SGK3: variants seen among roughly 807,000 people sequenced by gnomAD.
SGK3 encodes serum/glucocorticoid regulated kinase family member 3, also known as serine/threonine-protein kinase Sgk3.
Under a neutral mutation model 68.5 loss-of-function variants are expected in SGK3, and 47 were observed. That is an observed-to-expected ratio of 0.69 (90% CI 0.54 to 0.87). The LOEUF (loss-of-function observed/expected upper bound fraction) is 0.87. Ranked by LOEUF, SGK3 falls within the 40% of genes least tolerant of loss-of-function variation. The probability of loss-of-function intolerance (pLI) is 0.00; values close to 1 mark genes in which losing one functional copy is unlikely to be tolerated. For synonymous variants in SGK3, 181 were observed against 189.1 expected (o/e 0.96, Z 0.35); for missense variants, 479 against 575.5 (o/e 0.83, Z 1.72).
At chr8:66,791,587 G>A (rs549264555) in intron 1 of SGK3, among the ~76,000 whole-genome samples, 1 of 152,170 alleles carries the variant, frequency 6.6e-6, no homozygotes, top group South Asian at 2.1e-4. Flanking sequence ...CTATCTTACT[G>A]TCCCTTCCAA....
chr8:66,776,508 A>G (rs1290885670), intron 1 of SGK3, among the ~76,000 whole-genome samples: 1 of 152,254 alleles, frequency 6.6e-6, no homozygotes. Context: ...AGGGAATCTC[A>G]GAATTGAAAG....
intron 6 of SGK3, among the ~76,000 whole-genome samples, chr8:66,826,829 G>C (rs1303948206): frequency 6.6e-6 from 1 of 151,744 alleles, no homozygotes; most frequent in Non-Finnish European, 1.5e-5. Context: ...ATTTTTGGTA[G>C]AGATGGGGTT....
Position 66,793,752 on chromosome 8 carries a change from A to G in SGK3, c.16A>G (p.Thr6Ala). 6.2e-7 allele frequency: 1 copy of G among 1,613,298 alleles called. No homozygotes were observed. Among genetic ancestry groups the G allele is most frequent in the Non-Finnish European group, 8.5e-7 (1 of 1,179,468 alleles). The change falls in exon 2 of 17, where the codon ACC becomes GCC. Residue 6 changes from threonine (T) to alanine (A), a missense_variant. Physicochemically the swap from Thr to Ala is moderately conservative, Grantham distance 58. This residue lies in a region of SGK3 where 298 missense variants were observed against 329.4 expected (regional missense o/e 0.90). Transcript: ENST00000521198. ...GAGGGATTAAATGCAAAGAGATCAC[A>G]CCATGGACTACAAGGAAAGCTGCCC... MQRDH[T>A]MDYKESCPSV...
chr8:66,764,297 A>G (rs1806254351), intron 1 of SGK3, among the ~76,000 whole-genome samples: 1 of 151,520 alleles, frequency 6.6e-6, no homozygotes, highest in Non-Finnish European at 1.5e-5. Context: ...GATATCCTTT[A>G]TTTTGAAGTT....
chr8:66,765,981 T>C (rs1252187444), intron 1 of SGK3, among the ~76,000 whole-genome samples: 1 of 150,816 alleles, frequency 6.6e-6, no homozygotes, highest in Non-Finnish European at 1.5e-5. Context: ...GCCGAGATGG[T>C]GTCACTGCAC....
chr8:66,717,853 A>G (rs75436708), intron 1 of SGK3, among the ~76,000 whole-genome samples: 21,025 of 151,788 alleles, frequency 0.14, 2,827 homozygotes, highest in African/African-American at 0.35. Flanking sequence ...ACAGTTGTGC[A>G]CCACCATGCC....
At chr8:66,784,611 G>T (rs1429989059) in intron 1 of SGK3, among the ~76,000 whole-genome samples, 1 of 151,804 alleles carries the variant, frequency 6.6e-6, no homozygotes, top group East Asian at 1.9e-4. Flanking sequence ...TTTTTTGACT[G>T]CCCTGAAACA....
At chr8:66,840,818 T>A in intron 12 of SGK3, 1 of 324,142 alleles carries the variant, frequency 3.1e-6, no homozygotes, top group Non-Finnish European at 5.6e-6. Flanking sequence ...GGCACGCGCC[T>A]GTGGTCCCAG....
intron 1 of SGK3, among the ~76,000 whole-genome samples, chr8:66,768,953 G>T (rs1042861989): frequency 6.6e-6 from 1 of 152,112 alleles, no homozygotes; most frequent in Non-Finnish European, 1.5e-5. Flanking sequence ...TCTTCTGGCT[G>T]CTGTTAAGAC....
At chr8:66,821,829 G>A (rs999369733) in intron 5 of SGK3, among the ~76,000 whole-genome samples, 1 of 151,744 alleles carries the variant, frequency 6.6e-6, no homozygotes, top group African/African-American at 2.4e-5. Context: ...CTGGCCAGCA[G>A]CACATAATTT....
intron 1 of SGK3, among the ~76,000 whole-genome samples, chr8:66,759,113 T>C (rs1329819031): frequency 1.3e-5 from 2 of 149,000 alleles, no homozygotes; most frequent in African/African-American, 5.0e-5. Context: ...AGTCTCACTC[T>C]GTCTCCCTGT....
chr8:66,859,497 T>C lies in SGK3; in HGVS notation c.1407T>C (p.Ser469=), dbSNP rs1810673889. Residue 469 remains serine (S), a synonymous_variant, in exon 17 of 17, where the codon TCT becomes TCC. Coordinates refer to ENST00000521198, the MANE Select transcript of SGK3 (RefSeq NM_001033578.3). The part of the protein sequence containing the change: ...PYSVCVSSDY[S]IVNASVLEAD... ...CTGTGTGTGTATCTTCTGACTATTC[T>C]ATAGTGAATGCCAGTGTATTGGAGG... The C allele has an allele frequency of 6.2e-7, 1 of 1,613,926 alleles. No homozygotes were observed. Among genetic ancestry groups the C allele is most frequent in the Non-Finnish European group, 8.5e-7 (1 of 1,179,858 alleles).
chr8:66,813,221 T>C (rs377093327), intron 4 of SGK3, among the ~76,000 whole-genome samples: 3 of 152,240 alleles, frequency 2.0e-5, no homozygotes, highest in South Asian at 4.2e-4. Flanking sequence ...ACCACTGCAC[T>C]CCAGCCTGGG....
chr8:66,763,356 C>T lies in SGK3; in HGVS notation c.-121-30260C>T, dbSNP rs1031111903. On this transcript the variant is annotated intron_variant, in intron 1 of 16. Coordinates refer to ENST00000521198, the MANE Select transcript of SGK3 (RefSeq NM_001033578.3). ...GATTCTTTTTTATGATCGATTTTGC[C>T]ATCTTTGAATTAGTTTCTGAGGTTT... Among the ~76,000 whole-genome samples the T allele has an allele frequency of 9.9e-5, 15 of 152,120 alleles. No individual in the cohort carries two copies. The South Asian group carries it at 2.1e-3, about 21-fold the overall frequency.
intron 6 of SGK3, among the ~76,000 whole-genome samples, chr8:66,823,430 G>T: frequency 6.8e-6 from 1 of 146,626 alleles, no homozygotes; most frequent in Non-Finnish European, 1.5e-5. Flanking sequence ...ATGGAGTCTC[G>T]CACTGTTGCC....
intron 5 of SGK3, among the ~76,000 whole-genome samples, 160 bp from the exon 6 acceptor site, chr8:66,822,212 T>C (rs1808866586): frequency 6.6e-6 from 1 of 152,150 alleles, no homozygotes; most frequent in African/African-American, 2.4e-5. Flanking sequence ...AAAAAATTAA[T>C]TTGCGTATTA....
intron 1 of SGK3, among the ~76,000 whole-genome samples, chr8:66,745,580 A>T (rs901588501): frequency 2.1e-5 from 3 of 145,442 alleles, no homozygotes; most frequent in African/African-American, 8.3e-5. Flanking sequence ...TCAAAAAACA[A>T]AAACAAAACA....
chr8:66,728,835 G>A (rs1430892853), intron 1 of SGK3, among the ~76,000 whole-genome samples: 3 of 151,856 alleles, frequency 2.0e-5, no homozygotes, highest in Non-Finnish European at 4.4e-5. Flanking sequence ...TGGGAGGATT[G>A]CTTGGGTCTA....
chr8:66,835,506 C>A (rs577813906), intron 8 of SGK3, among the ~76,000 whole-genome samples: 1 of 152,282 alleles, frequency 6.6e-6, no homozygotes, highest in South Asian at 2.1e-4. Context: ...GGAGCACATG[C>A]ATGCATACAC....
Sources: allele counts gnomAD v4.1 joint callset (sites outside exome capture counted in the v4.1 genomes callset), GRCh38; gene constraint gnomAD v4.1.1; regional missense constraint gnomAD v4.1.1; transcripts MANE v1.5; gene names NCBI Gene and HGNC (gene_info 2026-07-23, HGNC 2026-07-21).